The following VTI1A variants were observed in gnomAD, a reference collection of about 807,000 sequenced individuals.
VTI1A encodes vesicle transport through interaction with t-SNAREs homolog 1A.
VTI1A carries 22 observed loss-of-function variants against 34.9 expected under a neutral mutation model. The observed-to-expected ratio is 0.63, with a 90% CI of 0.45 to 0.90. The LOEUF is 0.90. Among genes scored for constraint, VTI1A ranks in the 40% least tolerant of loss-of-function variants. The pLI is 0.00. For synonymous variants in VTI1A, 87 were observed against 97.3 expected (o/e 0.89, Z 0.62); for missense variants, 268 against 275.6 (o/e 0.97, Z 0.20).
At chr10:112,452,549 A>C (rs1320173773) in intron 1 of VTI1A, among the ~76,000 whole-genome samples, 1 of 141,804 alleles carries the variant, frequency 7.1e-6, no homozygotes, top group African/African-American at 2.7e-5. Context: ...GCCTAGTGAC[A>C]CAGTGAGACT....
At chr10:112,512,091 T>C (rs1849632980) in intron 3 of VTI1A, among the ~76,000 whole-genome samples, 1 of 152,176 alleles carries the variant, frequency 6.6e-6, no homozygotes. Context: ...GTAGTGGGAT[T>C]GCTGGATCGA....
intron 7 of VTI1A, among the ~76,000 whole-genome samples, chr10:112,761,168 G>A (rs1851452288): frequency 6.6e-6 from 1 of 152,160 alleles, no homozygotes; most frequent in South Asian, 2.1e-4. Flanking sequence ...AAGTGATTGT[G>A]AGATCTTTGC....
Position 112,714,421 on chromosome 10 carries a change from G to C in VTI1A, c.560+45423G>C, listed in dbSNP as rs141942641. On this transcript the variant is annotated intron_variant, in intron 7 of 7. Transcript: ENST00000393077. ...ACCTCCTGCAGAATGTAAGCTCCAG[G>C]AGAGCAGGAACTTTGCTTTCTTTAC... Among the ~76,000 whole-genome samples the C allele has an allele frequency of 5.2e-3, 797 of 152,282 alleles. 7 individuals are homozygous for C. The highest frequency in any genetic ancestry group is 0.018 in the African/African-American group (767 of 41,550).
At chr10:112,706,546 T>C (rs1849205621) in intron 7 of VTI1A, among the ~76,000 whole-genome samples, 1 of 152,196 alleles carries the variant, frequency 6.6e-6, no homozygotes, top group Non-Finnish European at 1.5e-5. Flanking sequence ...TAAAGGGATA[T>C]AATCTCTAAA....
chr10:112,527,480 T>C (rs1291789974), intron 4 of VTI1A: 1 of 188,162 alleles, frequency 5.3e-6, no homozygotes, highest in Non-Finnish European at 1.1e-5. Flanking sequence ...CTCAAACACA[T>C]GTAAAAGGAA....
At chr10:112,550,369 A>G (rs1851303338) in intron 5 of VTI1A, among the ~76,000 whole-genome samples, 1 of 145,572 alleles carries the variant, frequency 6.9e-6, no homozygotes, top group African/African-American at 2.6e-5. Context: ...TTTTTTTAAC[A>G]GTGTTTATGT....
intron 7 of VTI1A, among the ~76,000 whole-genome samples, chr10:112,714,120 A>G (rs764171942): frequency 2.0e-5 from 3 of 152,288 alleles, no homozygotes; most frequent in Non-Finnish European, 2.9e-5. Flanking sequence ...GAAAGACACT[A>G]CTGCTACTGA....
At chr10:112,627,598 A>G (rs1463860639) in intron 5 of VTI1A, among the ~76,000 whole-genome samples, 2 of 152,102 alleles carry the variant, frequency 1.3e-5, no homozygotes, top group African/African-American at 4.8e-5. Context: ...ATGTATTCGT[A>G]TGTTTTGTCT....
chr10:112,512,099 C>T (rs145629121), intron 3 of VTI1A, among the ~76,000 whole-genome samples: 27 of 152,244 alleles, frequency 1.8e-4, no homozygotes, highest in Non-Finnish European at 2.8e-4. Flanking sequence ...ATTGCTGGAT[C>T]GAATGGTACT....
At chr10:112,561,203 T>C (rs1190498678) in intron 5 of VTI1A, among the ~76,000 whole-genome samples, 2 of 152,220 alleles carry the variant, frequency 1.3e-5, no homozygotes, top group Non-Finnish European at 2.9e-5. Flanking sequence ...GTGGTAAAGA[T>C]TTTAAGCCAA....
the VTI1A span, among the ~76,000 whole-genome samples, chr10:112,830,822 C>CATATATATATATATATATATAT: frequency 3.1e-3 from 169 of 54,682 alleles, 6 homozygotes; most frequent in Non-Finnish European, 4.1e-3. Flanking sequence ...CTAAAACCCT[C>CATATATATATATATATATATAT]ATATATATAT....
At chr10:112,482,720 G>T (rs1160308199) in intron 3 of VTI1A, among the ~76,000 whole-genome samples, 2 of 152,126 alleles carry the variant, frequency 1.3e-5, no homozygotes, top group East Asian at 3.8e-4. Flanking sequence ...TTTTATAATA[G>T]ATTATGAGCA....
intron 5 of VTI1A, among the ~76,000 whole-genome samples, chr10:112,634,500 GAC>G (rs780354021): frequency 0.02 from 1,960 of 96,964 alleles, 20 homozygotes; most frequent in Non-Finnish European, 0.03. Context: ...CACACACACA[GAC>G]ACACACACAC....
chr10:112,663,353 T>C (rs1368681660), intron 5 of VTI1A, among the ~76,000 whole-genome samples: 2 of 152,220 alleles, frequency 1.3e-5, no homozygotes, highest in African/African-American at 2.4e-5. Context: ...CACAAAGTAC[T>C]TGTTTCTCTC....
intron 5 of VTI1A, among the ~76,000 whole-genome samples, chr10:112,601,895 A>G (rs779325320): frequency 3.7e-4 from 56 of 152,324 alleles, no homozygotes; most frequent in Middle Eastern, 6.8e-3. Flanking sequence ...AATGATTACA[A>G]CTAGGGTCCC....
At chr10:112,457,399 G>T (rs1168064958) in intron 1 of VTI1A, among the ~76,000 whole-genome samples, 1 of 152,198 alleles carries the variant, frequency 6.6e-6, no homozygotes, top group East Asian at 1.9e-4. Context: ...CTGAGACATG[G>T]TTCTTGTCTT....
At chr10:112,644,299 A>G (rs1427613311) in intron 5 of VTI1A, among the ~76,000 whole-genome samples, 23 of 152,234 alleles carry the variant, frequency 1.5e-4, no homozygotes, top group Admixed American at 1.2e-3. Context: ...GAATTTGACA[A>G]TTTTGTTGTA....
chr10:112,759,446 A>G (rs1322227700), intron 7 of VTI1A, among the ~76,000 whole-genome samples: 1 of 152,172 alleles, frequency 6.6e-6, no homozygotes, highest in Non-Finnish European at 1.5e-5. Context: ...ACTTAATAAA[A>G]TCCATTTCTT....
chr10:112,459,465 A>G (rs1036856165), intron 1 of VTI1A, among the ~76,000 whole-genome samples: 2 of 152,180 alleles, frequency 1.3e-5, no homozygotes, highest in Admixed American at 6.5e-5. Flanking sequence ...GAATGTGGCC[A>G]GAGGATTGAG....
Sources: allele counts gnomAD v4.1 joint callset (sites outside exome capture counted in the v4.1 genomes callset), GRCh38; gene constraint gnomAD v4.1.1; transcripts MANE v1.5; gene names NCBI Gene and HGNC (gene_info 2026-07-23, HGNC 2026-07-21).